VWC2: variants seen among roughly 807,000 people sequenced by gnomAD.
VWC2 encodes the protein von Willebrand factor C domain containing 2.
Under a neutral mutation model 29.8 loss-of-function variants are expected in VWC2, and 14 were observed. That is an observed-to-expected ratio of 0.47 (90% confidence interval 0.31 to 0.74). VWC2 has a LOEUF of 0.74. Among genes scored for constraint, VWC2 ranks in the 30% least tolerant of loss-of-function variants. VWC2 has a pLI of 0.05. For missense variants in VWC2, 457 were observed against 459.8 expected (o/e 0.99, Z 0.05); for synonymous variants, 213 against 199.0 (o/e 1.07, Z -0.59).
chr7:49,791,841 A>C (rs1375931118), intron 2 of VWC2, among the ~76,000 whole-genome samples: 1 of 152,228 alleles, frequency 6.6e-6, no homozygotes, highest in Admixed American at 6.5e-5. Context: ...TCAGTCTGTA[A>C]AAATCAAGCT....
At chr7:49,818,484 C>T (rs1487817506) in intron 3 of VWC2, among the ~76,000 whole-genome samples, 1 of 152,010 alleles carries the variant, frequency 6.6e-6, no homozygotes, top group Non-Finnish European at 1.5e-5. Context: ...GTTTTAAGCA[C>T]TGAAAACATT....
Position 49,912,228 on chromosome 7 carries a change from T to TACTGATGTG in VWC2, c.*45_*53dup. Reference sequence around the variant, plus strand: ...AACTCTGACTTTTTCTAGAACATTTTACTGATGTGAACATTCTAGATGACT... The same window carrying TACTGATGTG: ...AACTCTGACTTTTTCTAGAACATTTTACTGATGTGACTGATGTGAACATTCTAGATGACT... On this transcript the variant is annotated 3_prime_UTR_variant, in exon 4 of 4. Transcript: ENST00000340652. The TACTGATGTG allele has an allele frequency of 6.2e-7, 1 of 1,609,272 alleles. No homozygotes were observed. Among genetic ancestry groups the TACTGATGTG allele is most frequent in the Non-Finnish European group, 8.5e-7 (1 of 1,176,668 alleles).
At chr7:49,812,459 T>C (rs1213409201) in intron 3 of VWC2, among the ~76,000 whole-genome samples, 1 of 152,230 alleles carries the variant, frequency 6.6e-6, no homozygotes, top group East Asian at 1.9e-4. Flanking sequence ...AATCCTGGTC[T>C]GATGTCTTTA....
At position 49,844,173 on chromosome 7, in the gene VWC2, G is replaced by A. The variant is rs185670351; in HGVS notation, c.826+41333G>A. Among the ~76,000 whole-genome samples the A allele has an allele frequency of 1.1e-4, 17 of 152,310 alleles. 1 individual carries two copies. The highest frequency in any genetic ancestry group is 6.8e-3 in the Middle Eastern group (2 of 294). On this transcript the variant is annotated intron_variant, in intron 3 of 3. Transcript: ENST00000340652. ...GCAACGTGGAAAGGTCTGCTCAGAC[G>A]GGAATCGCACACTCAGAGTGGACGT...
At chr7:49,802,896 A>G (rs1270446226) in intron 3 of VWC2, 56 bp downstream of exon 3, 3 of 1,609,956 alleles carry the variant, frequency 1.9e-6, no homozygotes, top group Non-Finnish European at 2.5e-6. Context: ...TGCACAACCC[A>G]TGTGCTGCTT....
intron 2 of VWC2, among the ~76,000 whole-genome samples, chr7:49,788,780 A>C (rs772176720): frequency 8.5e-6 from 1 of 118,086 alleles, no homozygotes; most frequent in Non-Finnish European, 1.7e-5. Flanking sequence ...GAGGGTGTGT[A>C]TGAGTGTGGG....
At chr7:49,847,350 A>C (rs1395288665) in intron 3 of VWC2, among the ~76,000 whole-genome samples, 1 of 152,072 alleles carries the variant, frequency 6.6e-6, no homozygotes, top group Non-Finnish European at 1.5e-5. Flanking sequence ...AAATTGGCAT[A>C]ATAGTGTTAT....
intron 2 of VWC2, among the ~76,000 whole-genome samples, chr7:49,788,736 ATG>A (rs201910087): frequency 0.087 from 9,716 of 112,032 alleles, 963 homozygotes; most frequent in African/African-American, 0.28. Context: ...GTGTGTGTGG[ATG>A]TGTGTGTGGA....
chr7:49,809,564 C>CA (rs1788953410), intron 3 of VWC2, among the ~76,000 whole-genome samples: 1 of 151,792 alleles, frequency 6.6e-6, no homozygotes, highest in South Asian at 2.1e-4. Flanking sequence ...AAACACCCCA[C>CA]AAAAAAGAAA....
intron 3 of VWC2, among the ~76,000 whole-genome samples, chr7:49,874,271 T>C (rs1375899417): frequency 6.6e-6 from 1 of 152,242 alleles, no homozygotes; most frequent in Non-Finnish European, 1.5e-5. Context: ...AGAATTACAA[T>C]ACTGCATTTT....
intron 3 of VWC2, among the ~76,000 whole-genome samples, chr7:49,865,401 A>C (rs1790838908): frequency 6.6e-6 from 1 of 152,250 alleles, no homozygotes; most frequent in East Asian, 1.9e-4. Flanking sequence ...GCACTGAATC[A>C]ATTAGCTTTG....
chr7:49,788,163 C>G (rs951188358), intron 2 of VWC2, among the ~76,000 whole-genome samples: 2 of 152,162 alleles, frequency 1.3e-5, no homozygotes, highest in Non-Finnish European at 2.9e-5. Context: ...ACTCCTGGCT[C>G]GGGCTGTGGT....
intron 3 of VWC2, among the ~76,000 whole-genome samples, chr7:49,841,473 A>T (rs1488729508): frequency 6.6e-6 from 1 of 152,200 alleles, no homozygotes; most frequent in Non-Finnish European, 1.5e-5. Context: ...ATGGATATAA[A>T]ATTTTCACTT....
At chr7:49,893,200 A>T (rs1249818427) in intron 3 of VWC2, among the ~76,000 whole-genome samples, 5 of 152,144 alleles carry the variant, frequency 3.3e-5, no homozygotes, top group Non-Finnish European at 7.3e-5. Flanking sequence ...CATATGATAA[A>T]TCAACTTGAA....
At chr7:49,884,002 G>A (rs1376729115) in intron 3 of VWC2, among the ~76,000 whole-genome samples, 4 of 152,360 alleles carry the variant, frequency 2.6e-5, no homozygotes, top group African/African-American at 4.8e-5. Flanking sequence ...GGGTTAGCAC[G>A]ACTGTGGGTG....
intron 3 of VWC2, among the ~76,000 whole-genome samples, chr7:49,878,852 G>A (rs1583739394): frequency 1.3e-5 from 2 of 152,162 alleles, no homozygotes; most frequent in East Asian, 1.9e-4. Flanking sequence ...TATGTACCAG[G>A]CGTGGCTTTT....
intron 3 of VWC2, among the ~76,000 whole-genome samples, chr7:49,853,157 G>C (rs530411560): frequency 3.3e-5 from 5 of 152,386 alleles, no homozygotes; most frequent in Admixed American, 3.3e-4. Context: ...CAGTCACTGG[G>C]GTGGACTTGG....
intron 3 of VWC2, among the ~76,000 whole-genome samples, chr7:49,877,611 A>G (rs1431714071): frequency 6.9e-6 from 1 of 144,366 alleles, no homozygotes; most frequent in Non-Finnish European, 1.5e-5. Context: ...TGGATGGACC[A>G]AATTTGGTCT....
At chr7:49,907,792 T>C (rs1377178032) in intron 3 of VWC2, among the ~76,000 whole-genome samples, 1 of 152,220 alleles carries the variant, frequency 6.6e-6, no homozygotes, top group Admixed American at 6.5e-5. Flanking sequence ...GATTGACAAT[T>C]GCTTGAAAGA....
Sources: allele counts gnomAD v4.1 joint callset (sites outside exome capture counted in the v4.1 genomes callset), GRCh38; gene constraint gnomAD v4.1.1; transcripts MANE v1.5; gene names NCBI Gene and HGNC (gene_info 2026-07-23, HGNC 2026-07-21).